The following JAKMIP2 variants were observed in gnomAD, a reference collection of about 807,000 sequenced individuals.
The protein encoded by JAKMIP2 is janus kinase and microtubule-interacting protein 2.
In JAKMIP2, 25 loss-of-function variants were observed where a neutral mutation model predicts 115.0. The observed-to-expected ratio is 0.22, with a 90% CI of 0.16 to 0.30. The LOEUF (loss-of-function observed/expected upper bound fraction) is 0.30. Among genes scored for constraint, JAKMIP2 ranks in the 10% least tolerant of loss-of-function variants. The pLI is 1.00. For synonymous variants in JAKMIP2, 334 were observed against 343.6 expected (o/e 0.97, Z 0.31); for missense variants, 642 against 957.6 (o/e 0.67, Z 4.35).
chr5:147,736,223 T>C (rs1158513371), intron 1 of JAKMIP2, among the ~76,000 whole-genome samples: 1 of 151,854 alleles, frequency 6.6e-6, no homozygotes, highest in East Asian at 1.9e-4. Flanking sequence ...TGAGAGGCCA[T>C]GGCAGGTGGA....
At position 147,618,465 on chromosome 5, in the gene JAKMIP2, G is replaced by A. The variant is rs111408150; in HGVS notation, c.2143-351C>T. Among the ~76,000 whole-genome samples, 985 of 152,124 alleles carry A rather than the reference G, an allele frequency of 6.5e-3. 52 individuals carry two copies. The East Asian group carries it at 0.13, about 20-fold the overall frequency. On this transcript the variant is annotated intron_variant, in intron 18 of 21. Coordinates refer to ENST00000616793, the MANE Select transcript of JAKMIP2 (RefSeq NM_001270941.2). ...CTACTTGACAGCTCTGGCCAGGCAC[G>A]GTGGCTCACACCTGTAATCCCAGCA...
chr5:147,613,681 A>G (rs970823523), intron 19 of JAKMIP2, among the ~76,000 whole-genome samples: 1 of 152,122 alleles, frequency 6.6e-6, no homozygotes, highest in Non-Finnish European at 1.5e-5. Flanking sequence ...AGAAGCCAGG[A>G]ATGCTACTAA....
chr5:147,660,192 C>T (rs1758886999), intron 3 of JAKMIP2, among the ~76,000 whole-genome samples: 1 of 152,170 alleles, frequency 6.6e-6, no homozygotes, highest in Non-Finnish European at 1.5e-5. Context: ...TTCTAATTTT[C>T]AGATGATAAT....
chr5:147,651,469 T>C (rs2126749967), intron 3 of JAKMIP2, among the ~76,000 whole-genome samples: 1 of 152,326 alleles, frequency 6.6e-6, no homozygotes, highest in South Asian at 2.1e-4. Context: ...ACCTTTCTTA[T>C]CGTTTCACTA....
intron 1 of JAKMIP2, among the ~76,000 whole-genome samples, chr5:147,675,042 T>C (rs1226838381): frequency 6.6e-6 from 1 of 152,218 alleles, no homozygotes. Context: ...TGAACATTCT[T>C]CTCTCCCATT....
At chr5:147,751,398 T>G (rs989709164) in intron 1 of JAKMIP2, among the ~76,000 whole-genome samples, 23 of 151,914 alleles carry the variant, frequency 1.5e-4, no homozygotes, top group African/African-American at 5.6e-4. Context: ...ATGCCCGACA[T>G]GGATGACTTT....
rs571867575 is a variant in JAKMIP2 at position 147,721,090 on chromosome 5, C to G, written c.-148-49136G>C. On this transcript the variant is annotated intron_variant, in intron 1 of 21. Coordinates refer to ENST00000616793, the MANE Select transcript of JAKMIP2 (RefSeq NM_001270941.2). ...ACAGACAGGACCCTCAGCTGCAGGTCTGTTGGAGTACCCTGCCATGTGAGG... is the reference window on the plus strand; with the variant it reads ...ACAGACAGGACCCTCAGCTGCAGGTGTGTTGGAGTACCCTGCCATGTGAGG... Among the ~76,000 whole-genome samples, 1,466 of 151,974 alleles carry G rather than the reference C, an allele frequency of 9.6e-3. 23 individuals carry two copies. The highest frequency in any genetic ancestry group is 0.034 in the African/African-American group (1,416 of 41,368).
chr5:147,600,455 G>C (rs570803869), intron 21 of JAKMIP2, among the ~76,000 whole-genome samples: 1 of 152,094 alleles, frequency 6.6e-6, no homozygotes, highest in South Asian at 2.1e-4. Context: ...GGGAGAAAGT[G>C]CCTCTCTTCT....
intron 1 of JAKMIP2, among the ~76,000 whole-genome samples, chr5:147,738,396 A>C (rs1754006860): frequency 6.6e-6 from 1 of 152,194 alleles, no homozygotes. Context: ...GAGAAAGGTT[A>C]TTCAGTACAA....
At chr5:147,706,853 T>C (rs1207723709) in intron 1 of JAKMIP2, among the ~76,000 whole-genome samples, 1 of 152,162 alleles carries the variant, frequency 6.6e-6, no homozygotes, top group African/African-American at 2.4e-5. Flanking sequence ...AAGTAAGGGA[T>C]ATTCAACCTG....
chr5:147,607,868 T>C (rs1756111394), intron 20 of JAKMIP2, among the ~76,000 whole-genome samples: 1 of 152,190 alleles, frequency 6.6e-6, no homozygotes, highest in Non-Finnish European at 1.5e-5. Context: ...TATTGGTCTA[T>C]TCAGGGATTT....
chr5:147,601,549 G>T (rs1423353600), intron 21 of JAKMIP2, among the ~76,000 whole-genome samples, 192 bp downstream of exon 21: 1 of 152,088 alleles, frequency 6.6e-6, no homozygotes, highest in African/African-American at 2.4e-5. Flanking sequence ...GCCAGTGAAT[G>T]ATCTGATTGT....
intron 1 of JAKMIP2, among the ~76,000 whole-genome samples, chr5:147,758,379 C>T (rs938664807): frequency 2.6e-5 from 4 of 151,966 alleles, no homozygotes; most frequent in Admixed American, 6.6e-5. Flanking sequence ...AAATACAAAT[C>T]GAATGTTACA....
chr5:147,654,803 G>A (rs888470737), intron 3 of JAKMIP2, among the ~76,000 whole-genome samples: 4 of 152,114 alleles, frequency 2.6e-5, no homozygotes, highest in African/African-American at 9.7e-5. Flanking sequence ...TTTTCAAAGG[G>A]AATTCTTCCA....
chr5:147,614,372 T>C (rs1756473125), intron 19 of JAKMIP2, among the ~76,000 whole-genome samples: 1 of 152,222 alleles, frequency 6.6e-6, no homozygotes, highest in African/African-American at 2.4e-5. Context: ...TTTTGTCAAA[T>C]AAATGTGTTA....
intron 15 of JAKMIP2, 89 bp downstream of exon 15, chr5:147,629,604 G>A (rs1757263844): frequency 1.2e-6 from 1 of 866,952 alleles, no homozygotes; most frequent in Admixed American, 1.9e-5. Context: ...CATCTCACTT[G>A]CTCTTACTTT....
intron 21 of JAKMIP2, among the ~76,000 whole-genome samples, chr5:147,598,078 A>T (rs1755487648): frequency 6.6e-6 from 1 of 151,334 alleles, no homozygotes; most frequent in East Asian, 1.9e-4. Context: ...AGCTCACTGC[A>T]ACCTCCACCT....
At chr5:147,702,616 G>GAA (rs1752396256) in intron 1 of JAKMIP2, among the ~76,000 whole-genome samples, 1 of 59,608 alleles carries the variant, frequency 1.7e-5, no homozygotes, top group South Asian at 5.3e-4. Context: ...AAGAAAGAAA[G>GAA]AAAGAAAGAA....
intron 1 of JAKMIP2, among the ~76,000 whole-genome samples, chr5:147,735,593 G>A (rs1439361864): frequency 6.6e-6 from 1 of 152,112 alleles, no homozygotes; most frequent in Admixed American, 6.5e-5. Flanking sequence ...CCCTACCCTT[G>A]ACACGTGGGG....
Sources: gnomAD v4.1 joint callset for allele counts (sites outside exome capture counted in the v4.1 genomes callset) on GRCh38, gnomAD v4.1.1 for gene constraint, MANE v1.5 for transcripts, NCBI Gene and HGNC (gene_info 2026-07-23, HGNC 2026-07-21) for gene names.